Variants in CDH19 observed in about 807,000 individuals in gnomAD.
CDH19 encodes the protein cadherin 19, also known as cadherin-19.
CDH19 carries 67 observed loss-of-function variants against 64.2 expected under a neutral mutation model. The observed-to-expected ratio is 1.04, with a 90% CI of 0.86 to 1.28. The LOEUF (loss-of-function observed/expected upper bound fraction) is 1.28, where lower values mean the gene tolerates loss of function less well. Ranked by LOEUF, CDH19 falls within the 50% of genes most tolerant of loss-of-function variation. CDH19 has a pLI of 0.00. For missense variants in CDH19, 1,030 were observed against 929.0 expected (o/e 1.11, Z -1.41); for synonymous variants, 346 against 319.3 (o/e 1.08, Z -0.89).
intron 3 of CDH19, among the ~76,000 whole-genome samples, chr18:66,562,815 C>T (rs1987771236): frequency 6.6e-6 from 1 of 151,982 alleles, no homozygotes; most frequent in South Asian, 2.1e-4. Flanking sequence ...TATAAAACTA[C>T]ATAGAAATTT....
intron 9 of CDH19, 143 bp downstream of exon 9, chr18:66,529,702 C>T (rs865863992): frequency 2.4e-5 from 5 of 211,726 alleles, no homozygotes; most frequent in Non-Finnish European, 4.7e-5. Context: ...TATAGAATTA[C>T]AATAATTATA....
rs769461732 is a variant in CDH19 at position 66,572,113 on chromosome 18, ACTTT to A, written c.88_91del (p.Lys30SerfsTer9). The A allele has an allele frequency of 1.9e-6, 3 of 1,611,644 alleles. No individual in the cohort carries two copies. Among genetic ancestry groups the A allele is most frequent in the Admixed American group, 3.3e-5 (2 of 59,726 alleles). On this transcript the variant is annotated frameshift_variant, in exon 2 of 12. Transcript: ENST00000262150. LOFTEE classifies it high-confidence loss of function. ...CAAATGAGATCGCACTGGCTGCTTG[ACTTT>A]CTTTGTTTGAGAGTTTTCTGTTGCT...
intron 3 of CDH19, among the ~76,000 whole-genome samples, chr18:66,563,896 A>G (rs1156471596): frequency 6.6e-6 from 1 of 151,774 alleles, no homozygotes; most frequent in Non-Finnish European, 1.5e-5. Flanking sequence ...ACTTTTTATA[A>G]TCTGAGATAA....
rs1449189099 is a variant in CDH19, at chr18:66,504,023, T to A, written c.*789A>T. On this transcript the variant is annotated 3_prime_UTR_variant, in exon 12 of 12. Coordinates refer to ENST00000262150, the MANE Select transcript of CDH19 (RefSeq NM_021153.4). ...TACAGTGTGAAAGATGAAAATTGAG[T>A]AAATAAAATAACACTAAGATATCTT... 1.3e-5 allele frequency: 2 copies of A among 151,920 alleles called. No individual in the cohort carries two copies. Among genetic ancestry groups the A allele is most frequent in the Non-Finnish European group, 2.9e-5 (2 of 67,900 alleles). The allele number at this position is 151,920 out of a possible 1,614,324, so 9.4% of individuals were successfully genotyped here.
At chr18:66,601,517 A>C (rs1989036984) in intron 1 of CDH19, among the ~76,000 whole-genome samples, 1 of 151,998 alleles carries the variant, frequency 6.6e-6, no homozygotes. Context: ...CTGTCCTAAA[A>C]TAACATTTCA....
At position 66,504,812 on chromosome 18, in the gene CDH19, C is replaced by T. The variant is rs374892618; in HGVS notation, c.2319G>A (p.Ter773=). The T allele has an allele frequency of 6.9e-6, 11 of 1,589,068 alleles. No homozygotes were observed. The highest frequency in any genetic ancestry group is 9.5e-6 in the Non-Finnish European group (11 of 1,163,314). The change falls in exon 12 of 12, where the codon TAG becomes TAA. Residue 773 remains the stop codon, a stop_retained_variant. Transcript: ENST00000262150. ...MFGSAVQSNN[*] is the part of the protein sequence containing the mutation. ...TTAAAAATTTTGATGGTAAAAAGCC[C>T]TAATTATTTGACTGCACTGCAGAAC...
chr18:66,528,839 C>G (rs753316898), intron 9 of CDH19, among the ~76,000 whole-genome samples: 22 of 151,736 alleles, frequency 1.4e-4, no homozygotes, highest in Non-Finnish European at 2.9e-4. Flanking sequence ...TGGTCCCTGA[C>G]TAGCTTTGTT....
chr18:66,555,708 G>T (rs2144527167), intron 3 of CDH19, among the ~76,000 whole-genome samples: 1 of 151,724 alleles, frequency 6.6e-6, no homozygotes, highest in Non-Finnish European at 1.5e-5. Flanking sequence ...GTTTTAAAGT[G>T]AATTTATTTA....
chr18:66,573,643 G>A (rs552648094), intron 1 of CDH19, among the ~76,000 whole-genome samples: 1 of 151,408 alleles, frequency 6.6e-6, no homozygotes, highest in East Asian at 1.9e-4. Context: ...TTTTTTATAA[G>A]TTTGGCAAAT....
intron 9 of CDH19, among the ~76,000 whole-genome samples, chr18:66,524,239 G>C (rs1056892608): frequency 6.6e-6 from 1 of 151,754 alleles, no homozygotes; most frequent in African/African-American, 2.4e-5. Context: ...ATGGACACCT[G>C]TAAATATTTT....
At chr18:66,507,291 T>C (rs1043845771) in intron 11 of CDH19, among the ~76,000 whole-genome samples, 6 of 151,614 alleles carry the variant, frequency 4.0e-5, no homozygotes, top group African/African-American at 1.5e-4. Flanking sequence ...TAGGTGTAAA[T>C]GAGGAATGGA....
intron 1 of CDH19, among the ~76,000 whole-genome samples, chr18:66,593,660 A>T (rs1392372560): frequency 6.6e-6 from 1 of 152,138 alleles, no homozygotes; most frequent in East Asian, 1.9e-4. Flanking sequence ...AGACCACAAC[A>T]TAAAGAATAA....
rs1360444949 is a variant in CDH19 at position 66,501,130 on chromosome 18, A to G, written c.*3682T>C. ...ATATTAATATTCTATAAAAATAGTC[A>G]ATGGAAACCAAAAGAATTTCTACAA... is the stretch of plus-strand genomic sequence containing the variant. On this transcript the variant is annotated 3_prime_UTR_variant, in exon 12 of 12. Transcript: ENST00000262150. The G allele has an allele frequency of 6.6e-6, 1 of 152,158 alleles. No individual in the cohort carries two copies. Among genetic ancestry groups the G allele is most frequent in the Non-Finnish European group, 1.5e-5 (1 of 68,024 alleles). 9.4% of individuals were successfully genotyped at this position (152,158 alleles called of 1,614,324 possible).
In CDH19 at chr18:66,504,752, AG is replaced by A; in HGVS notation, c.*59del. On this transcript the variant is annotated 3_prime_UTR_variant, in exon 12 of 12. Coordinates refer to ENST00000262150, the MANE Select transcript of CDH19 (RefSeq NM_021153.4). ...TAGAGCCAGGGCACAAAACTCTTTA[AG>A]ACTACCATTGGGTTCGAATACACAT... 1 of 1,510,410 alleles carries A rather than the reference AG, an allele frequency of 6.6e-7. No homozygotes were observed. 93.6% of individuals were successfully genotyped at this position (1,510,410 alleles called of 1,614,324 possible).
chr18:66,540,736 T>C (rs969388922), intron 7 of CDH19, among the ~76,000 whole-genome samples: 2 of 152,170 alleles, frequency 1.3e-5, no homozygotes, highest in East Asian at 1.9e-4. Flanking sequence ...TAATACCATT[T>C]CATTGAGATT....
Position 66,509,113 on chromosome 18 carries a change from G to C in CDH19, c.1710C>G (p.Val570=). The part of the protein sequence containing the change: ...LTSTNTLTIH[V]CDCGDSGSTQ... ...TGCTCCCACTGTCACCACAGTCACA[G>C]ACATGGATGGTAAGGGTGTTTGTAC... The change falls in exon 11 of 12, where the codon GTC becomes GTG. Residue 570 remains valine, a synonymous_variant. Coordinates refer to ENST00000262150, the MANE Select transcript of CDH19 (RefSeq NM_021153.4). The C allele has an allele frequency of 2.5e-6, 4 of 1,613,008 alleles. No homozygotes were observed. The highest frequency in any genetic ancestry group is 3.4e-6 in the Non-Finnish European group (4 of 1,179,348).
chr18:66,509,291 G>T (rs1294579626), intron 10 of CDH19, 45 bp from the exon 11 acceptor site: 5 of 1,559,034 alleles, frequency 3.2e-6, no homozygotes, highest in East Asian at 4.5e-5. Context: ...CTACGTAAGA[G>T]AAATTTGTAT....
At chr18:66,579,357 A>G (rs1183255378) in intron 1 of CDH19, among the ~76,000 whole-genome samples, 3 of 152,090 alleles carry the variant, frequency 2.0e-5, no homozygotes. Context: ...CAAATTAAAC[A>G]GGAAACAAAG....
intron 1 of CDH19, among the ~76,000 whole-genome samples, chr18:66,602,703 G>A (rs941489953): frequency 1.3e-5 from 2 of 151,772 alleles, no homozygotes; most frequent in South Asian, 2.1e-4. Context: ...GCTTGGTAAA[G>A]TGGAAAACAT....
Sources: gnomAD v4.1 joint callset for allele counts (sites outside exome capture counted in the v4.1 genomes callset) on GRCh38, gnomAD v4.1.1 for gene constraint, MANE v1.5 for transcripts, NCBI Gene and HGNC (gene_info 2026-07-23, HGNC 2026-07-21) for gene names.